Variants in IBSP observed in about 807,000 individuals in gnomAD.
IBSP encodes integrin binding sialoprotein.
IBSP carries 19 observed loss-of-function variants against 25.5 expected under a neutral mutation model. That is an observed-to-expected ratio of 0.74 (90% confidence interval 0.52 to 1.09). The LOEUF (loss-of-function observed/expected upper bound fraction) is 1.09, where lower values mean the gene tolerates loss of function less well. Ranked by LOEUF, IBSP falls within the 50% of genes least tolerant of loss-of-function variation. IBSP has a pLI of 0.00. For missense variants in IBSP, 360 were observed against 382.3 expected, an observed-to-expected ratio of 0.94 and a Z score of 0.49; for synonymous variants, 144 against 137.6, an observed-to-expected ratio of 1.05 and a Z score of -0.33.
chr4:87,804,081 A>G (rs796539070), intron 4 of IBSP, among the ~76,000 whole-genome samples: 5 of 152,316 alleles, frequency 3.3e-5, no homozygotes, highest in African/African-American at 1.2e-4. Context: ...TCTTTAATAT[A>G]CAAGTTTTTT....
At chr4:87,808,813 T>C (rs1246610812) in intron 5 of IBSP, among the ~76,000 whole-genome samples, 1 of 152,224 alleles carries the variant, frequency 6.6e-6, no homozygotes, top group Non-Finnish European at 1.5e-5. Flanking sequence ...TAGTATTTCA[T>C]TACGTGAATG....
In IBSP at chr4:87,811,860, G is replaced by A; in HGVS notation, c.904G>A (p.Gly302Arg). The A allele has an allele frequency of 6.4e-7, 1 of 1,571,958 alleles. No individual in the cohort carries two copies. The highest frequency in any genetic ancestry group is 1.8e-5 in the Admixed American group (1 of 54,878). Reference sequence around the variant, plus strand: ...TGAAGATGAGTACAGCTACTTTAAAGGACAAGGCTACGATGGCTATGATGG... The same window carrying A: ...TGAAGATGAGTACAGCTACTTTAAAAGACAAGGCTACGATGGCTATGATGG... The part of the protein sequence containing the change: ...AYEDEYSYFK[G>R]QGYDGYDGQN... The change falls in exon 7 of 7, where the codon GGA (glycine) becomes AGA (arginine). Residue 302 changes from glycine to arginine, a missense_variant. Gly to Arg is a moderately radical substitution (Grantham distance 125). Coordinates refer to ENST00000226284, the MANE Select transcript of IBSP (RefSeq NM_004967.4).
Position 87,811,822 on chromosome 4 carries a change from A to G in IBSP, c.866A>G (p.Asn289Ser). Reference sequence around the variant, plus strand: ...GAGAACGGGGAACCTCGTGGGGACAATTACCGAGCCTATGAAGATGAGTAC... The same window carrying G: ...GAGAACGGGGAACCTCGTGGGGACAGTTACCGAGCCTATGAAGATGAGTAC... ...ESENGEPRGD[N>S]YRAYEDEYSY... Residue 289 changes from asparagine to serine, a missense_variant, in exon 7 of 7, where the codon AAT (asparagine) becomes AGT (serine). Physicochemically the swap from Asn to Ser is conservative, Grantham distance 46. Coordinates refer to ENST00000226284, the MANE Select transcript of IBSP (RefSeq NM_004967.4). The G allele has an allele frequency of 3.7e-6, 6 of 1,610,068 alleles. No homozygotes were observed. Among genetic ancestry groups the G allele is most frequent in the South Asian group, 1.1e-5 (1 of 90,274 alleles).
chr4:87,807,977 G>A (rs374629267), intron 5 of IBSP, among the ~76,000 whole-genome samples: 34 of 152,208 alleles, frequency 2.2e-4, no homozygotes, highest in East Asian at 1.9e-4. Context: ...ATGGAAAAGC[G>A]GGTAAACAAA....
chr4:87,802,686 C>T lies in IBSP; in HGVS notation c.138C>T (p.Tyr46=). ...VFKYRPRYYL[Y]KHAYFYPHLK... is the part of the protein sequence containing the mutation. ...AGTACAGGCCACGATATTATCTTTA[C>T]AAGCATGCCTACTTTTATCCTCATT... The change falls in exon 4 of 7, where the codon TAC becomes TAT. Residue 46 remains tyrosine, a synonymous_variant. Coordinates refer to ENST00000226284, the MANE Select transcript of IBSP (RefSeq NM_004967.4). 1 of 1,568,072 alleles carries T rather than the reference C, an allele frequency of 6.4e-7. No homozygotes were observed. Among genetic ancestry groups the T allele is most frequent in the Non-Finnish European group, 8.6e-7 (1 of 1,166,626 alleles).
chr4:87,803,726 G>A (rs769237297), intron 4 of IBSP, among the ~76,000 whole-genome samples: 2 of 152,168 alleles, frequency 1.3e-5, no homozygotes, highest in Non-Finnish European at 2.9e-5. Flanking sequence ...TAATTATGGG[G>A]AATTTGTGTG....
chr4:87,808,375 G>A (rs1362561581), intron 5 of IBSP, among the ~76,000 whole-genome samples: 2 of 151,986 alleles, frequency 1.3e-5, no homozygotes, highest in Non-Finnish European at 2.9e-5. Context: ...TAGAGATGGG[G>A]TTTCACCATG....
intron 1 of IBSP, 101 bp downstream of exon 1, chr4:87,799,734 C>T (rs1721984655): frequency 6.6e-6 from 1 of 152,156 alleles, no homozygotes; most frequent in Non-Finnish European, 1.5e-5. Flanking sequence ...GATGTTATTG[C>T]ATTGTACATG....
chr4:87,802,127 A>G (rs1477374857), intron 1 of IBSP, among the ~76,000 whole-genome samples: 1 of 152,214 alleles, frequency 6.6e-6, no homozygotes, highest in Non-Finnish European at 1.5e-5. Flanking sequence ...AAAACCAAGT[A>G]TGGAACTCAA....
rs774228570 is a variant in IBSP at position 87,811,624 on chromosome 4, G to T, written c.668G>T (p.Gly223Val). 8.1e-6 allele frequency: 13 copies of T among 1,613,730 alleles called. No individual in the cohort carries two copies. In the South Asian group the frequency reaches 1.3e-4, roughly 16 times the overall value. Residue 223 changes from glycine (G) to valine (V), a missense_variant, in exon 7 of 7, where the codon GGC becomes GTC. Transcript: ENST00000226284. ...ACAGAGACCGGAAGGCAGGGCAAGGGCACCTCGAAGACAACAACCTCTCCA... is the reference window on the plus strand; with the variant it reads ...ACAGAGACCGGAAGGCAGGGCAAGGTCACCTCGAAGACAACAACCTCTCCA... ...DTTETGRQGK[G>V]TSKTTTSPNG...
intron 5 of IBSP, among the ~76,000 whole-genome samples, chr4:87,808,184 C>CT (rs547277695): frequency 0.041 from 5,847 of 143,582 alleles, 124 homozygotes; most frequent in Middle Eastern, 0.076. Context: ...ATAAAATAAA[C>CT]TTTTTTTTTT....
At chr4:87,808,934 A>G (rs1722130570) in intron 5 of IBSP, among the ~76,000 whole-genome samples, 1 of 152,194 alleles carries the variant, frequency 6.6e-6, no homozygotes, top group South Asian at 2.1e-4. Flanking sequence ...GAACATATAC[A>G]TATTCATTTC....
chr4:87,811,543 A>G lies in IBSP; in HGVS notation c.587A>G (p.Asp196Gly), dbSNP rs1722171909. ...AACGGCAACGGCAGCAGCGGAGGAG[A>G]CAATGGAGAAGAAGGGGAAGAAGAA... Reference protein sequence around the residue: ...AENGNGSSGGDNGEEGEEESV... With the variant: ...AENGNGSSGGGNGEEGEEESV... Residue 196 changes from aspartate to glycine, a missense_variant, in exon 7 of 7, where the codon GAC becomes GGC. Asp to Gly is a moderately conservative substitution (Grantham distance 94, BLOSUM62 -1). Coordinates refer to ENST00000226284, the MANE Select transcript of IBSP (RefSeq NM_004967.4). The G allele has an allele frequency of 6.2e-7, 1 of 1,613,828 alleles. No individual in the cohort carries two copies. The highest frequency in any genetic ancestry group is 1.3e-5 in the African/African-American group (1 of 74,890).
chr4:87,810,536 C>A, intron 5 of IBSP, 70 bp from the exon 6 acceptor site: 1 of 1,218,156 alleles, frequency 8.2e-7, no homozygotes, highest in Non-Finnish European at 1.2e-6. Context: ...ATAAATGATT[C>A]ACAGCTCCAG....
chr4:87,800,132 T>C (rs1290514359), intron 1 of IBSP, among the ~76,000 whole-genome samples: 1 of 152,208 alleles, frequency 6.6e-6, no homozygotes, highest in Non-Finnish European at 1.5e-5. Flanking sequence ...ATACTCTTGG[T>C]AGTTTATCAT....
At chr4:87,810,229 AC>A (rs1433488122) in intron 5 of IBSP, among the ~76,000 whole-genome samples, 1 of 152,202 alleles carries the variant, frequency 6.6e-6, no homozygotes, top group African/African-American at 2.4e-5. Flanking sequence ...CAAAAACAAA[AC>A]AAAACAAAAA....
chr4:87,810,886 T>A, intron 6 of IBSP, 122 bp downstream of exon 6: 2 of 743,098 alleles, frequency 2.7e-6, no homozygotes, highest in Non-Finnish European at 4.3e-6. Context: ...CACATAGTAT[T>A]TTATACTATC....
chr4:87,802,662 G>A lies in IBSP; in HGVS notation c.114G>A (p.Lys38=), dbSNP rs957604099. Residue 38 remains lysine, a synonymous_variant, in exon 4 of 7, where the codon AAG becomes AAA. Coordinates refer to ENST00000226284, the MANE Select transcript of IBSP (RefSeq NM_004967.4). ...IEDSEENGVF[K]YRPRYYLYKH... is the part of the protein sequence containing the mutation. ...TTATTTTGTTTTTGCAGGTCTTTAA[G>A]TACAGGCCACGATATTATCTTTACA... 10 of 1,574,686 alleles carry A rather than the reference G, an allele frequency of 6.4e-6. No homozygotes were observed. The African/African-American group carries it at 1.2e-4, about 20-fold the overall frequency.
rs527625075 is a variant in IBSP at position 87,809,847 on chromosome 4, AC to A, written c.247-758del. On this transcript the variant is annotated intron_variant, in intron 5 of 6. Transcript: ENST00000226284. ...ACACTGAGATCAACTCAATTAAAAA[AC>A]AATTGCCTCACGATATGATATAAAG... Among the ~76,000 whole-genome samples, 732 of 152,076 alleles carry A rather than the reference AC, an allele frequency of 4.8e-3. 4 individuals carry two copies. Among genetic ancestry groups the A allele is most frequent in the Non-Finnish European group, 7.6e-3 (514 of 67,936 alleles).
Sources: allele counts gnomAD v4.1 joint callset (sites outside exome capture counted in the v4.1 genomes callset), GRCh38; gene constraint gnomAD v4.1.1; transcripts MANE v1.5; gene names NCBI Gene and HGNC (gene_info 2026-07-23, HGNC 2026-07-21).